The following DNAH17 variants were observed in gnomAD, a reference collection of about 807,000 sequenced individuals.
DNAH17 encodes dynein axonemal heavy chain 17.
Under a neutral mutation model 485.6 loss-of-function variants are expected in DNAH17, and 376 were observed. That is an observed-to-expected ratio of 0.77 (90% confidence interval 0.71 to 0.84). The LOEUF (loss-of-function observed/expected upper bound fraction) is 0.84. Ranked by LOEUF, DNAH17 falls within the 40% of genes least tolerant of loss-of-function variation. The probability of loss-of-function intolerance (pLI) is 0.00; values close to 1 mark genes in which losing one functional copy is unlikely to be tolerated. For missense variants in DNAH17, 6,370 were observed against 5,839.3 expected (o/e 1.09, Z -2.96); for synonymous variants, 3,031 against 2,405.9 (o/e 1.26, Z -7.60).
chr17:78,476,808 G>A lies in DNAH17; in HGVS notation c.7993-75C>T. 4 of 1,519,258 alleles carry A rather than the reference G, an allele frequency of 2.6e-6. No individual in the cohort carries two copies. In the South Asian group the frequency reaches 5.1e-5, roughly 19 times the overall value. The allele number at this position is 1,519,258 out of a possible 1,614,324, so 94.1% of individuals were successfully genotyped here. On this transcript the variant is annotated intron_variant, in intron 51 of 80. Transcript: ENST00000389840. ...CCCAGAGCTGGACACAGATGACCCTGAGGAGCAGCCCCCTCCCCCGGGGCG... is the reference window on the plus strand; with the variant it reads ...CCCAGAGCTGGACACAGATGACCCTAAGGAGCAGCCCCCTCCCCCGGGGCG...
chr17:78,517,479 A>G (rs2143156023), intron 25 of DNAH17, among the ~76,000 whole-genome samples: 1 of 152,368 alleles, frequency 6.6e-6, no homozygotes, highest in South Asian at 2.1e-4. Context: ...ACTTGGGAAA[A>G]AGAGGCCCTG....
intron 68 of DNAH17, chr17:78,449,877 T>C (rs896920704): frequency 2.6e-5 from 11 of 428,902 alleles, no homozygotes; most frequent in African/African-American, 2.2e-4. Context: ...GGTTTCACCA[T>C]GTTGGTCAGG....
intron 14 of DNAH17, among the ~76,000 whole-genome samples, chr17:78,553,320 A>T (rs57046637): frequency 0.7 from 26,042 of 37,318 alleles, 8,717 homozygotes; most frequent in Middle Eastern, 0.74. Context: ...TTTTTTTTTT[A>T]AGATGGAGTC....
At chr17:78,554,436 CAAAAAAAAAAAAAA>C (rs55701739) in intron 14 of DNAH17, among the ~76,000 whole-genome samples, 85 of 32,232 alleles carry the variant, frequency 2.6e-3, no homozygotes, top group Non-Finnish European at 3.6e-3. Context: ...GACTCTGTCT[CAAAAAAAAAAAAAA>C]AAAAAAAAAA....
chr17:78,484,739 A>ACCCCCCCAC, intron 48 of DNAH17, 129 bp downstream of exon 48: 1 of 347,798 alleles, frequency 2.9e-6, no homozygotes, highest in Non-Finnish European at 4.6e-6. Flanking sequence ...ACGTTGCAGC[A>ACCCCCCCAC]CCCCCCCCAC....
chr17:78,424,515 CCTATGTGTACATACA>C (rs987329022), intron 80 of DNAH17: 12 of 260,644 alleles, frequency 4.6e-5, no homozygotes, highest in African/African-American at 1.9e-4. Flanking sequence ...TAATGTCTGC[CCTATGTGTACATACA>C]CAATATAATT....
intron 51 of DNAH17, 97 bp from the exon 52 acceptor site, chr17:78,476,830 G>T: frequency 7.0e-7 from 1 of 1,422,006 alleles, no homozygotes; most frequent in South Asian, 1.4e-5. Flanking sequence ...CCTCCCCCGG[G>T]GCGAGGGGAC....
At position 78,575,015 on chromosome 17, in the gene DNAH17, C is replaced by G. The variant is rs1444958373; in HGVS notation, c.43G>C (p.Val15Leu). The change falls in exon 2 of 81, where the codon GTT becomes CTT. Residue 15 changes from valine to leucine, a missense_variant. Transcript: ENST00000389840. Reference protein sequence around the residue: ...PDVRLEYLEEVASIVLKFKPD... With the variant: ...PDVRLEYLEELASIVLKFKPD... ...TTGAACTTCAGGACGATGGAGGCAACTTCCTCCAGATACTCTAGTCTGACG... is the reference window on the plus strand; with the variant it reads ...TTGAACTTCAGGACGATGGAGGCAAGTTCCTCCAGATACTCTAGTCTGACG... 6.2e-7 allele frequency: 1 copy of G among 1,613,970 alleles called. No homozygotes were observed. Among genetic ancestry groups the G allele is most frequent in the Admixed American group, 1.7e-5 (1 of 60,008 alleles).
intron 44 of DNAH17, among the ~76,000 whole-genome samples, chr17:78,489,112 A>G (rs1482694096): frequency 1.3e-5 from 2 of 152,194 alleles, no homozygotes; most frequent in Non-Finnish European, 1.5e-5. Flanking sequence ...ACCCAGGCTC[A>G]GCAGCTCCTG....
intron 74 of DNAH17, among the ~76,000 whole-genome samples, chr17:78,435,279 G>C (rs1047680866): frequency 1.3e-5 from 2 of 152,156 alleles, no homozygotes; most frequent in African/African-American, 4.8e-5. Context: ...CCATCCTCCA[G>C]AGTCCATCCG....
At chr17:78,503,387 A>G (rs2090373246) in intron 31 of DNAH17, among the ~76,000 whole-genome samples, 2 of 139,964 alleles carry the variant, frequency 1.4e-5, no homozygotes, top group African/African-American at 2.7e-5. Flanking sequence ...GGGTTTCACC[A>G]TGTTAGCCAG....
rs573811882 is a variant in DNAH17, at chr17:78,559,681, C to T, written c.2031+1059G>A. Among the ~76,000 whole-genome samples the T allele has an allele frequency of 1.4e-4, 22 of 152,302 alleles. No homozygotes were observed. In the South Asian group the frequency reaches 1.7e-3, roughly 11 times the overall value. On this transcript the variant is annotated intron_variant, in intron 13 of 80. Transcript: ENST00000389840. ...GGTCCTTTACAACTAGAAATCTAAT[C>T]GCAGCACACCTCTGTCTGACACCCT...
chr17:78,493,140 T>TGCGCCCGGCCCTGGATGCCTCTC (rs1324796198), intron 41 of DNAH17: 5 of 173,152 alleles, frequency 2.9e-5, no homozygotes, highest in African/African-American at 1.2e-4. Context: ...AGTGAGCCGC[T>TGCGCCCGGCCCTGGATGCCTCTC]GCGCCCGGCC....
At chr17:78,565,885 G>A (rs983617126) in intron 11 of DNAH17, among the ~76,000 whole-genome samples, 5 of 152,176 alleles carry the variant, frequency 3.3e-5, no homozygotes, top group Non-Finnish European at 1.5e-5. Flanking sequence ...GGGAGGCGGA[G>A]GTTGCAGTGT....
At chr17:78,553,283 G>GGTGTTTTT (rs2091944708) in intron 14 of DNAH17, among the ~76,000 whole-genome samples, 7 of 51,034 alleles carry the variant, frequency 1.4e-4, no homozygotes, top group African/African-American at 6.3e-4. Context: ...AGGTTTTTGT[G>GGTGTTTTT]TTTTTTTTTT....
chr17:78,496,483 G>C (rs549977840), intron 37 of DNAH17, among the ~76,000 whole-genome samples: 1 of 151,700 alleles, frequency 6.6e-6, no homozygotes, highest in South Asian at 2.1e-4. Context: ...GAGGGTGGGC[G>C]CGACACTGAG....
At chr17:78,569,622 CAT>C (rs1396784715) in intron 7 of DNAH17, 95 bp from the exon 8 acceptor site, 1 of 1,402,436 alleles carries the variant, frequency 7.1e-7, no homozygotes, top group African/African-American at 1.5e-5. Context: ...TCTGTTCTGA[CAT>C]ATGGATATCT....
At chr17:78,481,625 A>G (rs2089355229) in intron 48 of DNAH17, among the ~76,000 whole-genome samples, 1 of 152,198 alleles carries the variant, frequency 6.6e-6, no homozygotes, top group Non-Finnish European at 1.5e-5. Context: ...TAACATATGA[A>G]AAAACACTGG....
chr17:78,449,646 G>T (rs2087462778), intron 68 of DNAH17, 62 bp from the exon 69 acceptor site: 1 of 1,339,552 alleles, frequency 7.5e-7, no homozygotes, highest in Non-Finnish European at 1.0e-6. Flanking sequence ...ACCACTCCCC[G>T]CCACCACTCC....
Sources: allele counts gnomAD v4.1 joint callset (sites outside exome capture counted in the v4.1 genomes callset), GRCh38; gene constraint gnomAD v4.1.1; transcripts MANE v1.5; gene names NCBI Gene and HGNC (gene_info 2026-07-23, HGNC 2026-07-21).